ARHGAP25: variants seen among roughly 807,000 people sequenced by gnomAD.
ARHGAP25 encodes Rho GTPase activating protein 25.
Under a neutral mutation model 71.0 loss-of-function variants are expected in ARHGAP25, and 34 were observed. The ratio of observed to expected loss-of-function variants is 0.48; its 90% confidence interval spans 0.36 to 0.64. The LOEUF is 0.64. ARHGAP25 is among the 30% of genes least tolerant of loss of function. The pLI is 0.00. For synonymous variants in ARHGAP25, 282 were observed against 296.5 expected (o/e 0.95, Z 0.50); for missense variants, 706 against 805.1 (o/e 0.88, Z 1.49).
chr2:68,803,004 C>CAT (rs376871092), intron 4 of ARHGAP25, among the ~76,000 whole-genome samples: 16 of 142,548 alleles, frequency 1.1e-4, no homozygotes, highest in East Asian at 6.2e-4. Context: ...TACATACATA[C>CAT]ATATATATAT....
At chr2:68,761,887 A>G (rs889725617) in intron 1 of ARHGAP25, among the ~76,000 whole-genome samples, 5 of 152,248 alleles carry the variant, frequency 3.3e-5, no homozygotes, top group Admixed American at 1.3e-4. Flanking sequence ...ATCTAAATAT[A>G]TACTCAAAGA....
chr2:68,717,023 TAGGTGATTTC>T (rs1348722246), intron 2 of ARHGAP25, among the ~76,000 whole-genome samples: 1 of 152,218 alleles, frequency 6.6e-6, no homozygotes, highest in Admixed American at 6.5e-5. Context: ...AATAGGTTGT[TAGGTGATTTC>T]AGGTGATTTC....
Position 68,734,898 on chromosome 2 carries a change from C to T in ARHGAP25, c.-302C>T, listed in dbSNP as rs771166735. ...CCCATGACGCAGAGGGAAGTGTCAACTGGGATATTTCTGGTAAAACTGAAA... is the reference window on the plus strand; with the variant it reads ...CCCATGACGCAGAGGGAAGTGTCAATTGGGATATTTCTGGTAAAACTGAAA... On this transcript the variant is annotated 5_prime_UTR_variant, in exon 1 of 11. Transcript: ENST00000409202. The T allele has an allele frequency of 2.4e-6, 1 of 425,222 alleles. No homozygotes were observed. Among genetic ancestry groups the T allele is most frequent in the East Asian group, 4.1e-5 (1 of 24,670 alleles). The allele number at this position is 425,222 out of a possible 1,614,324, so 26.3% of individuals were successfully genotyped here.
chr2:68,813,349 C>T lies in ARHGAP25; in HGVS notation c.737C>T (p.Pro246Leu), dbSNP rs764016801. Residue 246 changes from proline (P) to leucine (L), a missense_variant, in exon 6 of 11, where the codon CCC becomes CTC. Coordinates refer to ENST00000409202, the MANE Select transcript of ARHGAP25 (RefSeq NM_001007231.3). ...LKLYLRDLPE[P>L]VVPWSQYEGF... ...CTCTACCTCCGAGACCTCCCAGAGC[C>T]CGTGGTTCCCTGGAGCCAGTACGAA... The T allele has an allele frequency of 1.2e-6, 2 of 1,613,886 alleles. No individual in the cohort carries two copies. Among genetic ancestry groups the T allele is most frequent in the Non-Finnish European group, 1.7e-6 (2 of 1,179,934 alleles).
intron 1 of ARHGAP25, among the ~76,000 whole-genome samples, chr2:68,759,449 C>A (rs1676672299): frequency 6.6e-6 from 1 of 151,710 alleles, no homozygotes; most frequent in Non-Finnish European, 1.5e-5. Flanking sequence ...GTACTATAAG[C>A]AATTGTACAC....
chr2:68,718,695 G>T (rs542017028), intron 2 of ARHGAP25, among the ~76,000 whole-genome samples: 1 of 152,212 alleles, frequency 6.6e-6, no homozygotes, highest in South Asian at 2.1e-4. Flanking sequence ...TAAGTGGTAC[G>T]GGTACTAGCA....
intron 1 of ARHGAP25, among the ~76,000 whole-genome samples, chr2:68,769,330 A>G (rs887835011): frequency 2.6e-5 from 4 of 152,176 alleles, no homozygotes; most frequent in Non-Finnish European, 5.9e-5. Flanking sequence ...AGAAGCAGGC[A>G]CTGGCTGGGA....
chr2:68,717,834 A>G (rs1191036547), intron 2 of ARHGAP25, among the ~76,000 whole-genome samples: 1 of 152,204 alleles, frequency 6.6e-6, no homozygotes, highest in Non-Finnish European at 1.5e-5. Flanking sequence ...GTGAATTGAC[A>G]TATTTTTGCC....
At chr2:68,812,047 A>G (rs1680865363) in intron 5 of ARHGAP25, among the ~76,000 whole-genome samples, 1 of 152,212 alleles carries the variant, frequency 6.6e-6, no homozygotes, top group African/African-American at 2.4e-5. Context: ...TGCAGAATCA[A>G]TGCAATCGCC....
At position 68,787,950 on chromosome 2, in the gene ARHGAP25, T is replaced by C. The variant is rs1401739830; in HGVS notation, c.460T>C (p.Cys154Arg). The C allele has an allele frequency of 6.2e-7, 1 of 1,613,974 alleles. No homozygotes were observed. Among genetic ancestry groups the C allele is most frequent in the Admixed American group, 1.7e-5 (1 of 60,026 alleles). ...CCTCAGGAGAGTTGCTGGCACACCCTGTGGAGGTAAGGACCCCTGCAGGCT... is the reference window on the plus strand; with the variant it reads ...CCTCAGGAGAGTTGCTGGCACACCCCGTGGAGGTAAGGACCCCTGCAGGCT... ...KFLRRVAGTP[C>R]GAVFGQRLDE... The change falls in exon 4 of 11, where the codon TGT becomes CGT. Residue 154 changes from cysteine (C) to arginine (R), a missense_variant. Transcript: ENST00000409202.
intron 1 of ARHGAP25, among the ~76,000 whole-genome samples, chr2:68,768,360 C>T (rs1677261485): frequency 6.6e-6 from 1 of 152,182 alleles, no homozygotes; most frequent in Admixed American, 6.5e-5. Context: ...CCAGAAATCC[C>T]GCCAATAGGT....
At chr2:68,791,352 G>A (rs565714209) in intron 4 of ARHGAP25, among the ~76,000 whole-genome samples, 94 of 152,232 alleles carry the variant, frequency 6.2e-4, no homozygotes, top group African/African-American at 2.1e-3. Context: ...TTTATTAATC[G>A]AATGGGTGAA....
chr2:68,782,310 A>G lies in ARHGAP25; in HGVS notation c.339A>G (p.Glu113=). The G allele has an allele frequency of 6.2e-7, 1 of 1,614,116 alleles. No individual in the cohort carries two copies. Among genetic ancestry groups the G allele is most frequent in the African/African-American group, 1.3e-5 (1 of 75,034 alleles). The part of the protein sequence containing the change: ...NPEEAGKFVF[E]IIPASWDQNR... Reference sequence around the variant, plus strand: ...AAGAAGCTGGGAAGTTTGTCTTTGAAATCATTCCAGGTAGGCCACCACAGG... The same window carrying G: ...AAGAAGCTGGGAAGTTTGTCTTTGAGATCATTCCAGGTAGGCCACCACAGG... The change falls in exon 3 of 11, where the codon GAA becomes GAG. Residue 113 remains glutamate, a synonymous_variant. Transcript: ENST00000409202.
intron 4 of ARHGAP25, among the ~76,000 whole-genome samples, chr2:68,793,319 T>C (rs1679322911): frequency 6.6e-6 from 1 of 152,210 alleles, no homozygotes; most frequent in Non-Finnish European, 1.5e-5. Context: ...CCTGTGCTTT[T>C]GAGGCCTTAG....
chr2:68,822,992 C>G, intron 10 of ARHGAP25, 120 bp downstream of exon 10: 1 of 1,037,726 alleles, frequency 9.6e-7, no homozygotes, highest in East Asian at 2.6e-5. Flanking sequence ...AGACAGTAAT[C>G]TATAGCAGGC....
At chr2:68,806,007 G>A (rs1049735822) in intron 4 of ARHGAP25, among the ~76,000 whole-genome samples, 11 of 152,196 alleles carry the variant, frequency 7.2e-5, no homozygotes, top group African/African-American at 1.7e-4. Flanking sequence ...TCACACTGCC[G>A]GTGCGGGGAA....
chr2:68,775,857 C>T (rs1348880393), intron 2 of ARHGAP25: 1 of 353,222 alleles, frequency 2.8e-6, no homozygotes, highest in African/African-American at 2.1e-5. Flanking sequence ...ATAAAAATCT[C>T]TTCCATATGC....
chr2:68,787,044 G>A (rs1678805395), intron 3 of ARHGAP25, among the ~76,000 whole-genome samples: 1 of 152,172 alleles, frequency 6.6e-6, no homozygotes, highest in South Asian at 2.1e-4. Context: ...CTAACTAACT[G>A]CATGGTCCAA....
chr2:68,792,738 A>G (rs1052491478), intron 4 of ARHGAP25, among the ~76,000 whole-genome samples: 2 of 152,216 alleles, frequency 1.3e-5, no homozygotes, highest in Non-Finnish European at 2.9e-5. Context: ...AGAAACATTC[A>G]AGTGCAGGTA....
Sources: allele counts gnomAD v4.1 joint callset (sites outside exome capture counted in the v4.1 genomes callset), GRCh38; gene constraint gnomAD v4.1.1; transcripts MANE v1.5; gene names NCBI Gene and HGNC (gene_info 2026-07-23, HGNC 2026-07-21).